KAZN: variants seen among roughly 807,000 people sequenced by gnomAD.
The protein encoded by KAZN is kazrin, periplakin interacting protein.
KAZN carries 40 observed loss-of-function variants against 87.4 expected under a neutral mutation model. The ratio of observed to expected loss-of-function variants is 0.46; its 90% CI spans 0.36 to 0.60. The LOEUF is 0.60. Ranked by LOEUF, KAZN falls within the 20% of genes least tolerant of loss-of-function variation. KAZN has a pLI of 0.00. For synonymous variants in KAZN, 466 were observed against 458.3 expected (o/e 1.02, Z -0.22); for missense variants, 898 against 1,073.9 (o/e 0.84, Z 2.29).
At chr1:14,480,643 A>T (rs1669024716) in intron 2 of KAZN, among the ~76,000 whole-genome samples, 1 of 141,106 alleles carries the variant, frequency 7.1e-6, no homozygotes, top group African/African-American at 2.6e-5. Flanking sequence ...ATTATGTATT[A>T]TAATATATAA....
intron 2 of KAZN, among the ~76,000 whole-genome samples, chr1:14,545,729 C>G (rs985923214): frequency 3.9e-5 from 6 of 152,190 alleles, no homozygotes; most frequent in African/African-American, 1.4e-4. Context: ...ACAGGGGTCT[C>G]TGTTCATCAA....
chr1:14,172,649 G>A (rs1049823949), intron 1 of KAZN, among the ~76,000 whole-genome samples: 1 of 152,242 alleles, frequency 6.6e-6, no homozygotes, highest in African/African-American at 2.4e-5. Flanking sequence ...AGGAATTTGG[G>A]TATTGCACAG....
At chr1:14,256,784 C>T (rs1650549724) in intron 2 of KAZN, among the ~76,000 whole-genome samples, 1 of 152,128 alleles carries the variant, frequency 6.6e-6, no homozygotes, top group Non-Finnish European at 1.5e-5. Context: ...CAATATGGCA[C>T]AGGATAGTAA....
At chr1:14,036,461 T>C (rs1025670052) in intron 1 of KAZN, among the ~76,000 whole-genome samples, 9 of 151,756 alleles carry the variant, frequency 5.9e-5, no homozygotes, top group African/African-American at 2.2e-4. Flanking sequence ...AAAATTTGCA[T>C]GTTGAACTCT....
chr1:14,464,547 C>CTTTCT (rs1668015946), intron 2 of KAZN, among the ~76,000 whole-genome samples: 1 of 148,356 alleles, frequency 6.7e-6, no homozygotes, highest in Non-Finnish European at 1.5e-5. Context: ...TTTTTTCTTT[C>CTTTCT]TTTTTTTTTG....
chr1:14,409,250 T>C (rs1404065699), intron 2 of KAZN, among the ~76,000 whole-genome samples: 1 of 152,122 alleles, frequency 6.6e-6, no homozygotes, highest in Non-Finnish European at 1.5e-5. Context: ...TGAAAAGCCA[T>C]CTTAACACAC....
intron 2 of KAZN, among the ~76,000 whole-genome samples, chr1:14,541,992 A>G (rs1672841954): frequency 6.6e-6 from 1 of 152,166 alleles, no homozygotes; most frequent in African/African-American, 2.4e-5. Context: ...TCTCTGATAC[A>G]GCATAGAACA....
intron 2 of KAZN, among the ~76,000 whole-genome samples, chr1:14,344,281 G>A (rs2789743): frequency 0.077 from 11,453 of 148,686 alleles, 491 homozygotes; most frequent in East Asian, 0.17. Context: ...GGTCCACACT[G>A]AGATGTGCTG....
intron 1 of KAZN, among the ~76,000 whole-genome samples, chr1:13,904,828 T>C (rs1042648346): frequency 2.6e-5 from 4 of 152,302 alleles, no homozygotes; most frequent in Non-Finnish European, 5.9e-5. Context: ...TCATGTTCAG[T>C]TACTTATTTC....
At chr1:14,908,256 A>G (rs891054134) in intron 1 of KAZN, among the ~76,000 whole-genome samples, 5 of 151,008 alleles carry the variant, frequency 3.3e-5, no homozygotes, top group African/African-American at 9.8e-5. Context: ...AATAAGAAAA[A>G]TTGGCTGGGC....
At position 14,689,527 on chromosome 1, in the gene KAZN, G is replaced by A. The variant is rs565002520; in HGVS notation, c.226+90304G>A. Among the ~76,000 whole-genome samples the A allele has an allele frequency of 7.2e-5, 11 of 152,318 alleles. No homozygotes were observed. In the East Asian group the frequency reaches 1.2e-3, roughly 16 times the overall value. On this transcript the variant is annotated intron_variant, in intron 1 of 14. Coordinates refer to ENST00000376030, the MANE Select transcript of KAZN (RefSeq NM_201628.3). The stretch of plus-strand genomic sequence containing the variant: ...TGGCAGCTGGAGAGTTTTACTAGAT[G>A]GTTGCAAGATGAAGTGTAAGAGAAT...
At chr1:15,113,488 C>G (rs1439789102) in intron 14 of KAZN, 1 of 152,042 alleles carries the variant, frequency 6.6e-6, no homozygotes, top group Non-Finnish European at 1.5e-5. Flanking sequence ...GAAAGAAAGG[C>G]AGTCAAATAA....
At chr1:14,291,737 G>A (rs1653709787) in intron 2 of KAZN, among the ~76,000 whole-genome samples, 1 of 152,162 alleles carries the variant, frequency 6.6e-6, no homozygotes, top group Admixed American at 6.5e-5. Flanking sequence ...TACCTCAGTT[G>A]GAAATGCAGA....
chr1:14,983,135 A>G (rs1401275931), intron 2 of KAZN, among the ~76,000 whole-genome samples: 4 of 152,314 alleles, frequency 2.6e-5, no homozygotes, highest in African/African-American at 9.6e-5. Flanking sequence ...GTTTCTCCAG[A>G]GACCCAAAGC....
chr1:14,258,195 ATTCTTTCTTTCT>A (rs201211061), intron 2 of KAZN, among the ~76,000 whole-genome samples: 1 of 142,350 alleles, frequency 7.0e-6, no homozygotes, highest in African/African-American at 2.7e-5. Flanking sequence ...ACATTTCAAG[ATTCTTTCTTTCT>A]TTCTTTCTTT....
At chr1:14,791,534 G>C (rs543654676) in intron 1 of KAZN, among the ~76,000 whole-genome samples, 2 of 152,324 alleles carry the variant, frequency 1.3e-5, no homozygotes, top group East Asian at 1.9e-4. Flanking sequence ...TCTGGTCCTG[G>C]TGGAGGAATG....
rs373742964 is a variant in KAZN at position 14,276,369 on chromosome 1, G to A, written c.249+95777G>A. On this transcript the variant is annotated intron_variant, in intron 2 of 16. Transcript: ENST00000636203. ...TGGTTTTTCTCTCCTTTATTAAGATGGTGAATTACATTGTGTTCATTTTCT... is the reference window on the plus strand; with the variant it reads ...TGGTTTTTCTCTCCTTTATTAAGATAGTGAATTACATTGTGTTCATTTTCT... Among the ~76,000 whole-genome samples, 9 of 152,054 alleles carry A rather than the reference G, an allele frequency of 5.9e-5. No individual in the cohort carries two copies. The East Asian group carries it at 7.7e-4, about 13-fold the overall frequency.
chr1:15,064,545 C>T (rs545425675), intron 7 of KAZN, among the ~76,000 whole-genome samples: 1 of 152,310 alleles, frequency 6.6e-6, no homozygotes, highest in African/African-American at 2.4e-5. Context: ...GCAGGGTAGA[C>T]CTTACCACCA....
intron 1 of KAZN, among the ~76,000 whole-genome samples, chr1:13,909,723 C>A (rs745557911): frequency 6.6e-6 from 1 of 152,136 alleles, no homozygotes; most frequent in South Asian, 2.1e-4. Context: ...TGTAGCAAGA[C>A]GAATTAAGCA....
Sources: allele counts gnomAD v4.1 joint callset (sites outside exome capture counted in the v4.1 genomes callset), GRCh38; gene constraint gnomAD v4.1.1; transcripts MANE v1.5; gene names NCBI Gene and HGNC (gene_info 2026-07-23, HGNC 2026-07-21).